The following ANO3 variants were observed in gnomAD, a reference collection of about 807,000 sequenced individuals.
ANO3 encodes the protein anoctamin-3.
In ANO3, 99 loss-of-function variants were observed where a neutral mutation model predicts 144.8. The observed-to-expected ratio is 0.68, with a 90% confidence interval of 0.58 to 0.81. ANO3 has a LOEUF of 0.81. ANO3 is among the 30% of genes least tolerant of loss of function. ANO3 has a pLI of 0.00. For synonymous variants in ANO3, 414 were observed against 392.6 expected (o/e 1.05, Z -0.64); for missense variants, 905 against 1,202.2 (o/e 0.75, Z 3.66).
chr11:26,524,361 G>A (rs1178587721), intron 6 of ANO3, among the ~76,000 whole-genome samples: 1 of 152,120 alleles, frequency 6.6e-6, no homozygotes, highest in African/African-American at 2.4e-5. Context: ...TTATTTTCTG[G>A]CAATATGACT....
intron 8 of ANO3, among the ~76,000 whole-genome samples, chr11:26,533,414 T>C (rs187805291): frequency 3.3e-5 from 5 of 152,286 alleles, no homozygotes; most frequent in East Asian, 3.9e-4. Context: ...AACCTAATAA[T>C]TATACAAATT....
chr11:26,339,811 C>T (rs549676580), intron 1 of ANO3, among the ~76,000 whole-genome samples: 4 of 152,262 alleles, frequency 2.6e-5, no homozygotes, highest in East Asian at 1.9e-4. Context: ...TAACCTGTAG[C>T]GTATTAGTAC....
rs550679587 is a variant in ANO3 at position 26,378,303 on chromosome 11, C to CTA, written c.46+45991_46+45992dup. 8.7e-4 allele frequency among the ~76,000 whole-genome samples: 129 copies of CTA among 148,772 alleles called. 2 individuals carry two copies. In the East Asian group the frequency reaches 0.019, roughly 21 times the overall value. Reference sequence around the variant, plus strand: ...CTGATTTAGACTCTCATGAGGTATACTATATATATAGATAGATAGATCTAT... The same window carrying CTA: ...CTGATTTAGACTCTCATGAGGTATACTATATATATATAGATAGATAGATCTAT... On this transcript the variant is annotated intron_variant, in intron 1 of 26. Transcript: ENST00000256737.
rs372611028 is a variant in ANO3 at position 26,516,808 on chromosome 11, A to C, written c.592-19A>C. ...GCTCTGATTCTAAATAATGTTGCCT[A>C]TCTTACTATCATTTGCAGCCAGCTA... On this transcript the variant is annotated intron_variant, in intron 5 of 26. Coordinates refer to ENST00000256737, the MANE Select transcript of ANO3 (RefSeq NM_031418.4). 3.9e-6 allele frequency: 6 copies of C among 1,549,206 alleles called. No homozygotes were observed. In the African/African-American group the frequency reaches 8.2e-5, roughly 21 times the overall value.
At chr11:26,545,651 T>C (rs959339018) in intron 11 of ANO3, among the ~76,000 whole-genome samples, 15 of 151,654 alleles carry the variant, frequency 9.9e-5, no homozygotes, top group African/African-American at 3.4e-4. Flanking sequence ...CATTGTATGA[T>C]AGAAATTATT....
At chr11:26,378,439 T>TATC (rs10684093) in intron 1 of ANO3, among the ~76,000 whole-genome samples, 77,719 of 144,192 alleles carry the variant, frequency 0.54, 21,685 homozygotes, top group East Asian at 0.67. Context: ...ATCTATCATC[T>TATC]ATCTATCTAT....
chr11:26,208,001 C>T (rs1273097571), intron 1 of ANO3: 1 of 152,122 alleles, frequency 6.6e-6, no homozygotes, highest in Non-Finnish European at 1.5e-5. Flanking sequence ...GATCATGGTA[C>T]TAAGAGATTC....
chr11:26,523,425 T>G (rs1315550408), intron 6 of ANO3, among the ~76,000 whole-genome samples: 1 of 152,216 alleles, frequency 6.6e-6, no homozygotes, highest in Non-Finnish European at 1.5e-5. Context: ...TCCGCCAAAG[T>G]TAAGCTCCTA....
rs768416243 is a variant in ANO3, at chr11:26,634,222, C to G, written c.1892C>G (p.Ser631Ter). ...CTTTTAGAATATCCTCGAACAGAAT[C>G]AGAGTGGGAAAACAGCTTCGCCCTG... ...LTNLEYPRTE[S>*]EWENSFALKM... The change falls in exon 19 of 27, where the codon TCA (serine) becomes TGA (stop). Residue 631 changes from serine (S) to a stop codon, truncating the protein, a stop_gained. Coordinates refer to ENST00000256737, the MANE Select transcript of ANO3 (RefSeq NM_031418.4). LOFTEE classifies it high-confidence loss of function. 2 of 1,613,426 alleles carry G rather than the reference C, an allele frequency of 1.2e-6. No homozygotes were observed. Among genetic ancestry groups the G allele is most frequent in the Non-Finnish European group, 1.7e-6 (2 of 1,179,470 alleles).
intron 1 of ANO3, among the ~76,000 whole-genome samples, chr11:26,301,428 A>T (rs1388690416): frequency 1.3e-5 from 2 of 152,208 alleles, no homozygotes; most frequent in African/African-American, 4.8e-5. Flanking sequence ...AATGAAACTG[A>T]AGTACTTTTA....
chr11:26,277,360 G>C (rs1003918175), intron 1 of ANO3, among the ~76,000 whole-genome samples: 6 of 152,042 alleles, frequency 3.9e-5, no homozygotes, highest in African/African-American at 1.4e-4. Context: ...AGCATAGATG[G>C]ATCATGATAT....
intron 26 of ANO3, among the ~76,000 whole-genome samples, chr11:26,657,198 G>T: frequency 6.6e-6 from 1 of 152,188 alleles, no homozygotes; most frequent in East Asian, 1.9e-4. Context: ...CTATGACTAA[G>T]ACTTTTGGAA....
intron 1 of ANO3, among the ~76,000 whole-genome samples, chr11:26,235,820 A>C (rs1204776309): frequency 6.8e-6 from 1 of 146,698 alleles, no homozygotes; most frequent in Non-Finnish European, 1.5e-5. Flanking sequence ...ATTTGTCTAC[A>C]AATGTGAAAC....
At chr11:26,616,162 A>G (rs1852255197) in intron 17 of ANO3, among the ~76,000 whole-genome samples, 1 of 152,188 alleles carries the variant, frequency 6.6e-6, no homozygotes, top group African/African-American at 2.4e-5. Flanking sequence ...AAATCAGTAC[A>G]TTGATATTAT....
intron 1 of ANO3, among the ~76,000 whole-genome samples, chr11:26,352,146 T>C (rs1855662745): frequency 6.6e-6 from 1 of 152,190 alleles, no homozygotes; most frequent in Non-Finnish European, 1.5e-5. Flanking sequence ...CATTAGTAAC[T>C]GGGTCTAGAG....
intron 14 of ANO3, among the ~76,000 whole-genome samples, chr11:26,564,647 C>T (rs1197272606): frequency 7.4e-6 from 1 of 135,302 alleles, no homozygotes; most frequent in African/African-American, 2.7e-5. Context: ...AAATTCATTA[C>T]TTTGTTCAAC....
intron 1 of ANO3, among the ~76,000 whole-genome samples, chr11:26,198,141 G>C (rs1851625493): frequency 1.3e-5 from 2 of 152,174 alleles, no homozygotes; most frequent in Admixed American, 6.5e-5. Context: ...AGGACTAGGG[G>C]ATTGAGGATG....
chr11:26,410,576 C>A (rs1330267566), intron 1 of ANO3, among the ~76,000 whole-genome samples: 2 of 151,844 alleles, frequency 1.3e-5, no homozygotes, highest in Non-Finnish European at 2.9e-5. Flanking sequence ...ATTGTAGAAA[C>A]ATCTTTAGTT....
chr11:26,640,530 G>T (rs1246200156), intron 21 of ANO3, among the ~76,000 whole-genome samples: 1 of 152,236 alleles, frequency 6.6e-6, no homozygotes, highest in African/African-American at 2.4e-5. Flanking sequence ...GCCTAGCACA[G>T]AATGTAACAT....
Sources: allele counts gnomAD v4.1 joint callset (sites outside exome capture counted in the v4.1 genomes callset), GRCh38; gene constraint gnomAD v4.1.1; transcripts MANE v1.5; gene names NCBI Gene and HGNC (gene_info 2026-07-23, HGNC 2026-07-21).